Variants in EPHA5 observed in about 807,000 individuals in gnomAD.
EPHA5 encodes the protein EPH receptor A5.
In EPHA5, 60 loss-of-function variants were observed where a neutral mutation model predicts 105.0. That is an observed-to-expected ratio of 0.57 (90% confidence interval 0.46 to 0.71). The LOEUF (loss-of-function observed/expected upper bound fraction) is 0.71. Among genes scored for constraint, EPHA5 ranks in the 30% least tolerant of loss-of-function variants. The pLI is 0.00. For missense variants in EPHA5, 1,218 were observed against 1,274.7 expected (o/e 0.96, Z 0.68); for synonymous variants, 513 against 449.1 (o/e 1.14, Z -1.80).
intron 2 of EPHA5, among the ~76,000 whole-genome samples, chr4:65,639,000 A>G (rs1047737087): frequency 5.3e-5 from 8 of 152,274 alleles, no homozygotes; most frequent in African/African-American, 1.7e-4. Context: ...CTATGAAAGC[A>G]TAAATGCAAA....
intron 5 of EPHA5, among the ~76,000 whole-genome samples, chr4:65,431,887 G>C (rs1725014657): frequency 6.6e-6 from 1 of 151,636 alleles, no homozygotes; most frequent in Admixed American, 6.6e-5. Context: ...TGTGGTATGT[G>C]CCCAATAAAA....
intron 5 of EPHA5, among the ~76,000 whole-genome samples, chr4:65,427,890 T>C (rs1724601105): frequency 6.6e-6 from 1 of 152,216 alleles, no homozygotes; most frequent in Admixed American, 6.5e-5. Context: ...TGTCTTTCAG[T>C]ATTTATCTTT....
intron 3 of EPHA5, among the ~76,000 whole-genome samples, chr4:65,577,193 A>G (rs892756426): frequency 3.9e-5 from 6 of 152,142 alleles, no homozygotes; most frequent in Non-Finnish European, 7.4e-5. Flanking sequence ...TGCCACTATC[A>G]TTTTTATTGA....
chr4:65,605,098 T>A (rs1261763203), intron 2 of EPHA5, among the ~76,000 whole-genome samples: 1 of 152,158 alleles, frequency 6.6e-6, no homozygotes, highest in Admixed American at 6.5e-5. Flanking sequence ...TGCCCATTCT[T>A]TCCCGTTAAG....
At chr4:65,417,681 A>G (rs1440822380) in intron 6 of EPHA5, among the ~76,000 whole-genome samples, 1 of 152,030 alleles carries the variant, frequency 6.6e-6, no homozygotes, top group African/African-American at 2.4e-5. Context: ...TTAAATTTGA[A>G]CTATTAAATA....
intron 1 of EPHA5, among the ~76,000 whole-genome samples, chr4:65,654,480 C>T (rs1477672951): frequency 6.6e-6 from 1 of 151,438 alleles, no homozygotes; most frequent in Non-Finnish European, 1.5e-5. Flanking sequence ...GGGATAGATA[C>T]ATCAGTAAAT....
chr4:65,506,984 G>T (rs1247412439), intron 3 of EPHA5, among the ~76,000 whole-genome samples: 1 of 152,058 alleles, frequency 6.6e-6, no homozygotes, highest in Non-Finnish European at 1.5e-5. Context: ...TTCTTCTAGG[G>T]TTTCTATGGT....
At chr4:65,545,333 A>C (rs1045339419) in intron 3 of EPHA5, among the ~76,000 whole-genome samples, 24 of 151,790 alleles carry the variant, frequency 1.6e-4, no homozygotes, top group African/African-American at 5.6e-4. Context: ...GTAACCTCCA[A>C]ACAGATGGAT....
In EPHA5 at chr4:65,557,167, G is replaced by T. The variant is rs532014403; in HGVS notation, c.910+44474C>A. 8.1e-5 allele frequency among the ~76,000 whole-genome samples: 12 copies of T among 147,862 alleles called. 1 individual carries two copies. The highest frequency in any genetic ancestry group is 3.0e-4 in the African/African-American group (12 of 40,284). ...GGACTAAAGATGAAACCAGATTTGG[G>T]GACGGGGCATGGTGAGAGCAGCTGT... On this transcript the variant is annotated intron_variant, in intron 3 of 16. Transcript: ENST00000613740.
chr4:65,669,457 A>T, intron 1 of EPHA5, 105 bp downstream of exon 1: 1 of 1,255,698 alleles, frequency 8.0e-7, no homozygotes, highest in Non-Finnish European at 1.0e-6. Context: ...TGAGACTGCG[A>T]TTTAGTCTGC....
In EPHA5 at chr4:65,323,662, G is replaced by C. The variant is rs2148774836; in HGVS notation, c.*452C>G. Reference sequence around the variant, plus strand: ...TCATATTGCTCTTCAATACACTTTTGTAGACAATTAAGACTTGAAGTAAAC... The same window carrying C: ...TCATATTGCTCTTCAATACACTTTTCTAGACAATTAAGACTTGAAGTAAAC... On this transcript the variant is annotated 3_prime_UTR_variant, in exon 17 of 17. Coordinates refer to ENST00000613740, the MANE Select transcript of EPHA5 (RefSeq NM_001281766.3). 8.7e-6 allele frequency: 2 copies of C among 230,358 alleles called. No homozygotes were observed. Among genetic ancestry groups the C allele is most frequent in the East Asian group, 1.2e-4 (2 of 16,302 alleles). 14.3% of individuals were successfully genotyped at this position (230,358 alleles called of 1,614,324 possible).
At chr4:65,539,944 TA>T (rs1490824651) in intron 3 of EPHA5, among the ~76,000 whole-genome samples, 1 of 151,470 alleles carries the variant, frequency 6.6e-6, no homozygotes, top group Non-Finnish European at 1.5e-5. Context: ...ATTATTTCCC[TA>T]AAAAATGATT....
In EPHA5 at chr4:65,595,303, A is replaced by G. The variant is rs182227951; in HGVS notation, c.910+6338T>C. On this transcript the variant is annotated intron_variant, in intron 3 of 16. Coordinates refer to ENST00000613740, the MANE Select transcript of EPHA5 (RefSeq NM_001281766.3). ...CACATTCCTAGGATACAGGAATTCT[A>G]TAGGCTGGATAGAGTGCCTACTACA... 1.3e-3 allele frequency among the ~76,000 whole-genome samples: 200 copies of G among 152,248 alleles called. 2 individuals are homozygous for G. Among genetic ancestry groups the G allele is most frequent in the African/African-American group, 4.5e-3 (186 of 41,538 alleles).
At chr4:65,501,135 T>C (rs1031631015) in intron 3 of EPHA5, among the ~76,000 whole-genome samples, 8 of 151,422 alleles carry the variant, frequency 5.3e-5, no homozygotes, top group African/African-American at 1.9e-4. Flanking sequence ...AAAAACAAAA[T>C]GCTATAAGGG....
At chr4:65,423,258 C>T (rs1578082954) in intron 5 of EPHA5, among the ~76,000 whole-genome samples, 2 of 151,978 alleles carry the variant, frequency 1.3e-5, no homozygotes, top group East Asian at 3.9e-4. Context: ...ATTGAAGGTA[C>T]ACACTATCTA....
At position 65,367,364 on chromosome 4, in the gene EPHA5, A is replaced by C. The variant is rs944277172; in HGVS notation, c.1854T>G (p.Asn618Lys). The change falls in exon 9 of 17, where the codon AAT (asparagine) becomes AAG (lysine). Residue 618 changes from asparagine (N) to lysine (K), a missense_variant. Physicochemically the swap from Asn to Lys is moderately conservative, Grantham distance 94. Transcript: ENST00000613740. ...DPEEEKMHFHNGHIKLPGVRT... is the reference protein window; with the variant it reads ...DPEEEKMHFHKGHIKLPGVRT... ...TTTTTACAATTTGCTTACTGTGCCC[A>C]TTATGAAAATGCATCTTTTCCTCTT... The C allele has an allele frequency of 6.2e-7, 1 of 1,611,266 alleles. No homozygotes were observed. The highest frequency in any genetic ancestry group is 1.1e-5 in the South Asian group (1 of 91,042).
Position 65,403,206 on chromosome 4 carries a change from A to G in EPHA5, c.1793+1168T>C, listed in dbSNP as rs181013311. Among the ~76,000 whole-genome samples, 524 of 152,334 alleles carry G rather than the reference A, an allele frequency of 3.4e-3. 5 individuals are homozygous for G. Among genetic ancestry groups the G allele is most frequent in the Non-Finnish European group, 5.1e-3 (346 of 68,010 alleles). ...CAATATTTTATAAAAATAAACTGTT[A>G]CTTCTGTAATTTAAGGATATAATCA... On this transcript the variant is annotated intron_variant, in intron 8 of 16. Transcript: ENST00000613740.
Position 65,406,377 on chromosome 4 carries a change from G to A in EPHA5, c.1688-1898C>T, listed in dbSNP as rs531596035. On this transcript the variant is annotated intron_variant, in intron 7 of 16. Coordinates refer to ENST00000613740, the MANE Select transcript of EPHA5 (RefSeq NM_001281766.3). ...TTAACTTACCCTCCACCATTGTAAG[G>A]CGTTTGACTTAGCTAAACGTATACC... Among the ~76,000 whole-genome samples, 3 of 152,184 alleles carry A rather than the reference G, an allele frequency of 2.0e-5. No homozygotes were observed. The East Asian group carries it at 5.8e-4, about 29-fold the overall frequency.
rs189958151 is a variant in EPHA5 at position 65,421,952 on chromosome 4, A to G, written c.1403-1387T>C. ...TAGTTTGGGATTTGTGCTTCATTTT[A>G]AAACTTAATCAGTTCTTCAATAAAA... On this transcript the variant is annotated intron_variant, in intron 5 of 16. Transcript: ENST00000613740. Among the ~76,000 whole-genome samples, 114 of 152,270 alleles carry G rather than the reference A, an allele frequency of 7.5e-4. 1 individual carries two copies. The highest frequency in any genetic ancestry group is 2.5e-3 in the African/African-American group (106 of 41,580).
Sources: allele counts gnomAD v4.1 joint callset (sites outside exome capture counted in the v4.1 genomes callset), GRCh38; gene constraint gnomAD v4.1.1; transcripts MANE v1.5; gene names NCBI Gene and HGNC (gene_info 2026-07-23, HGNC 2026-07-21).